ALPK2: variants seen among roughly 807,000 people sequenced by gnomAD.
The protein encoded by ALPK2 is alpha kinase 2.
ALPK2 carries 127 observed loss-of-function variants against 163.1 expected under a neutral mutation model. That is an observed-to-expected ratio of 0.78 (90% CI 0.67 to 0.90). The LOEUF is 0.90. ALPK2 is among the 40% of genes least tolerant of loss of function. The pLI is 0.00. For synonymous variants in ALPK2, 953 were observed against 959.1 expected (o/e 0.99, Z 0.12); for missense variants, 2,360 against 2,589.6 (o/e 0.91, Z 1.92).
At chr18:58,543,818 C>T (rs1340243630) in intron 4 of ALPK2, among the ~76,000 whole-genome samples, 3 of 152,194 alleles carry the variant, frequency 2.0e-5, no homozygotes, top group African/African-American at 7.2e-5. Flanking sequence ...CAGTCAAAGG[C>T]AGAGCCAGGA....
At chr18:58,554,080 C>CA (rs1485478706) in intron 4 of ALPK2, among the ~76,000 whole-genome samples, 1 of 152,052 alleles carries the variant, frequency 6.6e-6, no homozygotes, top group Non-Finnish European at 1.5e-5. Flanking sequence ...AGGCTGGTCT[C>CA]AAACTCCTGA....
chr18:58,539,478 C>A (rs1399039687), intron 4 of ALPK2, among the ~76,000 whole-genome samples: 2 of 152,206 alleles, frequency 1.3e-5, no homozygotes, highest in Non-Finnish European at 2.9e-5. Context: ...TTGACTAAAT[C>A]CTTGTCTCAT....
intron 1 of ALPK2, among the ~76,000 whole-genome samples, chr18:58,625,304 G>T (rs963520455): frequency 2.0e-5 from 3 of 152,308 alleles, no homozygotes; most frequent in Non-Finnish European, 4.4e-5. Flanking sequence ...GCACCTGATG[G>T]GTTAACCTTT....
chr18:58,601,386 C>A (rs897359781), intron 3 of ALPK2, among the ~76,000 whole-genome samples: 1 of 152,308 alleles, frequency 6.6e-6, no homozygotes, highest in African/African-American at 2.4e-5. Flanking sequence ...ATACAGATTA[C>A]AAAATCTGGC....
chr18:58,513,044 G>A (rs952306485), intron 10 of ALPK2, among the ~76,000 whole-genome samples: 10 of 142,464 alleles, frequency 7.0e-5, no homozygotes, highest in African/African-American at 2.6e-4. Context: ...TGTGTGTGGT[G>A]TGGTGTGTTT....
rs762162914 is a variant in ALPK2, at chr18:58,580,425, C to G, written c.351G>C (p.Leu117=). The change falls in exon 4 of 13, where the codon CTG becomes CTC. Residue 117 remains leucine, a synonymous_variant. Transcript: ENST00000361673. ...SSENPQLSPN[L]EDDRDRGWKH... ...TCCAACCCCTGTCCCTGTCATCTTC[C>G]AGGTTAGGAGACAATTGTGGGTTCT... The G allele has an allele frequency of 6.2e-7, 1 of 1,614,028 alleles. No homozygotes were observed. Among genetic ancestry groups the G allele is most frequent in the Non-Finnish European group, 8.5e-7 (1 of 1,180,038 alleles).
chr18:58,580,092 G>T lies in ALPK2; in HGVS notation c.684C>A (p.Asp228Glu). 6.2e-7 allele frequency: 1 copy of T among 1,614,240 alleles called. No homozygotes were observed. The highest frequency in any genetic ancestry group is 8.5e-7 in the Non-Finnish European group (1 of 1,180,038). The change falls in exon 4 of 13, where the codon GAC becomes GAA. Residue 228 changes from aspartate (D) to glutamate (E), a missense_variant. Physicochemically the swap from Asp to Glu is conservative, Grantham distance 45. Coordinates refer to ENST00000361673, the MANE Select transcript of ALPK2 (RefSeq NM_052947.4). ...AATGCACTGTCTTGTGGCAACATCTGTCTTGTTTTTCATAAATATGACTTG... is the reference window on the plus strand; with the variant it reads ...AATGCACTGTCTTGTGGCAACATCTTTCTTGTTTTTCATAAATATGACTTG... ...LNSSHIYEKQ[D>E]RCCHKTVHSM...
rs1273534376 is a variant in ALPK2, at chr18:58,517,184, T to C, written c.5666-2A>G. Reference sequence around the variant, plus strand: ...GGCTGAATTCAATCTCTTCACATCCTGAAACACAGCACAGCTTTGGTTGGA... The same window carrying C: ...GGCTGAATTCAATCTCTTCACATCCCGAAACACAGCACAGCTTTGGTTGGA... On this transcript the variant is annotated splice_acceptor_variant, in intron 8 of 12. Coordinates refer to ENST00000361673, the MANE Select transcript of ALPK2 (RefSeq NM_052947.4). LOFTEE classifies it high-confidence loss of function. 6.2e-7 allele frequency: 1 copy of C among 1,612,500 alleles called. No individual in the cohort carries two copies. The highest frequency in any genetic ancestry group is 1.3e-5 in the African/African-American group (1 of 74,908).
At chr18:58,607,784 A>G (rs1329739732) in intron 2 of ALPK2, among the ~76,000 whole-genome samples, 1 of 152,212 alleles carries the variant, frequency 6.6e-6, no homozygotes, top group East Asian at 1.9e-4. Flanking sequence ...TGTCATATGA[A>G]GGCAAAGGCC....
chr18:58,552,936 A>G (rs1227899164), intron 4 of ALPK2, among the ~76,000 whole-genome samples: 3 of 152,232 alleles, frequency 2.0e-5, no homozygotes, highest in Non-Finnish European at 4.4e-5. Context: ...TCACATTAAA[A>G]TGAGGTCATA....
At chr18:58,520,684 G>A (rs1341236174) in intron 8 of ALPK2, among the ~76,000 whole-genome samples, 1 of 152,018 alleles carries the variant, frequency 6.6e-6, no homozygotes, top group African/African-American at 2.4e-5. Context: ...CATTAAATTG[G>A]GCTTCATTTG....
At chr18:58,495,025 G>T (rs1203021654) in intron 12 of ALPK2, among the ~76,000 whole-genome samples, 5 of 148,228 alleles carry the variant, frequency 3.4e-5, no homozygotes, top group Admixed American at 6.8e-5. Flanking sequence ...CTGCCAGCAA[G>T]CAGGCTGCCC....
intron 4 of ALPK2, among the ~76,000 whole-genome samples, chr18:58,562,757 A>G (rs2051831527): frequency 6.6e-6 from 1 of 152,224 alleles, no homozygotes; most frequent in Non-Finnish European, 1.5e-5. Flanking sequence ...TGGGAAGTCC[A>G]AGACAAGGTG....
At chr18:58,495,279 AAAAC>A (rs1479459552) in intron 12 of ALPK2, among the ~76,000 whole-genome samples, 4 of 152,238 alleles carry the variant, frequency 2.6e-5, no homozygotes, top group Non-Finnish European at 2.9e-5. Flanking sequence ...AAGTTTTTAA[AAAAC>A]AAAAGACAAG....
intron 12 of ALPK2, among the ~76,000 whole-genome samples, chr18:58,494,204 G>A (rs2144103216): frequency 6.6e-6 from 1 of 152,264 alleles, no homozygotes; most frequent in Middle Eastern, 3.4e-3. Flanking sequence ...GGTCTATCTA[G>A]AAAATGGATT....
At chr18:58,556,918 C>T (rs1354281464) in intron 4 of ALPK2, among the ~76,000 whole-genome samples, 1 of 152,220 alleles carries the variant, frequency 6.6e-6, no homozygotes, top group Non-Finnish European at 1.5e-5. Context: ...ACGCTACCTA[C>T]TCCCGAGCCC....
intron 1 of ALPK2, among the ~76,000 whole-genome samples, chr18:58,628,126 AT>A (rs199634342): frequency 2.2e-4 from 34 of 151,376 alleles, no homozygotes; most frequent in East Asian, 5.8e-4. Context: ...TAATTGATGG[AT>A]TTTTTTTTGG....
At chr18:58,596,163 G>T (rs2052040006) in intron 3 of ALPK2, among the ~76,000 whole-genome samples, 1 of 152,200 alleles carries the variant, frequency 6.6e-6, no homozygotes, top group Non-Finnish European at 1.5e-5. Context: ...GCAAAACCAG[G>T]TCTGAGAATT....
At chr18:58,509,350 G>A (rs890992631) in intron 10 of ALPK2, among the ~76,000 whole-genome samples, 20 of 152,248 alleles carry the variant, frequency 1.3e-4, no homozygotes, top group African/African-American at 4.6e-4. Flanking sequence ...ACATCCGTGT[G>A]CATGTGTCTT....
Sources: gnomAD v4.1 joint callset for allele counts (sites outside exome capture counted in the v4.1 genomes callset) on GRCh38, gnomAD v4.1.1 for gene constraint, MANE v1.5 for transcripts, NCBI Gene and HGNC (gene_info 2026-07-23, HGNC 2026-07-21) for gene names.